Variants in MRPL18 observed in about 807,000 individuals in gnomAD.
MRPL18 encodes large ribosomal subunit protein uL18m.
Under a neutral mutation model 20.9 loss-of-function variants are expected in MRPL18, and 16 were observed. The observed-to-expected ratio is 0.76, with a 90% CI of 0.52 to 1.16. The LOEUF (loss-of-function observed/expected upper bound fraction) is 1.16, where lower values mean the gene tolerates loss of function less well. Among genes scored for constraint, MRPL18 ranks in the 50% most tolerant of loss-of-function variants. MRPL18 has a pLI of 0.00. For missense variants in MRPL18, 233 were observed against 230.6 expected (o/e 1.01, Z -0.07); for synonymous variants, 91 against 87.1 (o/e 1.04, Z -0.25).
chr6:159,794,563 T>A (rs1780985228), intron 2 of MRPL18, among the ~76,000 whole-genome samples: 1 of 152,244 alleles, frequency 6.6e-6, no homozygotes, highest in Non-Finnish European at 1.5e-5. Context: ...TTGCATGGAT[T>A]TTACTTAACT....
At chr6:159,790,745 G>C in intron 1 of MRPL18, 106 bp downstream of exon 1, 1 of 1,507,212 alleles carries the variant, frequency 6.6e-7, no homozygotes, top group Non-Finnish European at 9.1e-7. Context: ...TCGAAATAGA[G>C]CTCGCGGCAC....
chr6:159,794,718 T>C (rs1780988194), intron 2 of MRPL18, among the ~76,000 whole-genome samples: 1 of 152,232 alleles, frequency 6.6e-6, no homozygotes, highest in African/African-American at 2.4e-5. Context: ...GTTTGGATAA[T>C]GCTTTGCCTA....
chr6:159,798,207 C>A lies in MRPL18; in HGVS notation c.*84C>A. ...CAAAAGAGAGCATCTGGAAGAACAGCCAGCTTGGAAGTTTTACAGCAATAA... is the reference window on the plus strand; with the variant it reads ...CAAAAGAGAGCATCTGGAAGAACAGACAGCTTGGAAGTTTTACAGCAATAA... On this transcript the variant is annotated 3_prime_UTR_variant, in exon 4 of 4. Transcript: ENST00000367034. 1.7e-6 allele frequency: 2 copies of A among 1,161,834 alleles called. No homozygotes were observed. The highest frequency in any genetic ancestry group is 1.4e-5 in the South Asian group (1 of 73,076). 72.0% of individuals were successfully genotyped at this position (1,161,834 alleles called of 1,614,324 possible).
intron 2 of MRPL18, among the ~76,000 whole-genome samples, chr6:159,796,417 C>T (rs1230488580): frequency 1.3e-5 from 2 of 150,650 alleles, no homozygotes; most frequent in Non-Finnish European, 2.9e-5. Context: ...GAGGCAGAGG[C>T]TGCTGTGAGC....
rs1198640902 is a variant in MRPL18 at position 159,790,553 on chromosome 6, A to T, written c.-35A>T. 1.2e-6 allele frequency: 2 copies of T among 1,614,058 alleles called. No homozygotes were observed. Among genetic ancestry groups the T allele is most frequent in the Non-Finnish European group, 1.7e-6 (2 of 1,179,996 alleles). On this transcript the variant is annotated 5_prime_UTR_variant, in exon 1 of 4. Coordinates refer to ENST00000367034, the MANE Select transcript of MRPL18 (RefSeq NM_014161.5). ...CGAGCGACTGAGTCGTCCGTGAGGAAAAAGAGGCGAGGCTTTTCCGAGATC... is the reference window on the plus strand; with the variant it reads ...CGAGCGACTGAGTCGTCCGTGAGGATAAAGAGGCGAGGCTTTTCCGAGATC...
intron 2 of MRPL18, among the ~76,000 whole-genome samples, chr6:159,793,744 C>T (rs1047309290): frequency 6.6e-5 from 10 of 152,032 alleles, no homozygotes; most frequent in Admixed American, 3.9e-4. Context: ...CCCGTCTCTA[C>T]TAAAAATACA....
rs546131989 is a variant in MRPL18 at position 159,794,855 on chromosome 6, C to T, written c.240-2432C>T. Among the ~76,000 whole-genome samples the T allele has an allele frequency of 2.7e-4, 41 of 152,242 alleles. No individual in the cohort carries two copies. The South Asian group carries it at 3.9e-3, about 15-fold the overall frequency. ...GAAATAAGGGGACCCAGGGAACCAGCGTTCAGCATATGGAGGATCCCGCCA... is the reference window on the plus strand; with the variant it reads ...GAAATAAGGGGACCCAGGGAACCAGTGTTCAGCATATGGAGGATCCCGCCA... On this transcript the variant is annotated intron_variant, in intron 2 of 3. Coordinates refer to ENST00000367034, the MANE Select transcript of MRPL18 (RefSeq NM_014161.5).
At chr6:159,790,665 C>CA (rs1780854762) in intron 1 of MRPL18, 26 bp downstream of exon 1, 1 of 1,612,752 alleles carries the variant, frequency 6.2e-7, no homozygotes, top group Admixed American at 1.7e-5. Flanking sequence ...CCCCTTCTCC[C>CA]AGCTCACTCG....
At chr6:159,791,197 G>T in intron 2 of MRPL18, 71 bp downstream of exon 2, 2 of 1,557,116 alleles carry the variant, frequency 1.3e-6, no homozygotes, top group South Asian at 2.4e-5. Context: ...TCAACTCCAG[G>T]CACTCTCCCA....
In MRPL18 at chr6:159,791,000, C is replaced by T. The variant is rs1209695191; in HGVS notation, c.113C>T (p.Pro38Leu). The T allele has an allele frequency of 7.4e-6, 12 of 1,614,088 alleles. No individual in the cohort carries two copies. Among genetic ancestry groups the T allele is most frequent in the African/African-American group, 1.3e-5 (1 of 74,930 alleles). Residue 38 changes from proline (P) to leucine (L), a missense_variant, in exon 2 of 4, where the codon CCT becomes CTT. Transcript: ENST00000367034. ...SEPAAKPEVD[P>L]VENEAVAPEF... ...CCGGCAGCGAAACCTGAAGTGGACCCTGTGGAAAATGAAGCTGTCGCCCCA... is the reference window on the plus strand; with the variant it reads ...CCGGCAGCGAAACCTGAAGTGGACCTTGTGGAAAATGAAGCTGTCGCCCCA...
At chr6:159,793,454 C>T (rs1358122197) in intron 2 of MRPL18, among the ~76,000 whole-genome samples, 1 of 152,094 alleles carries the variant, frequency 6.6e-6, no homozygotes, top group Non-Finnish European at 1.5e-5. Context: ...GTTCTTAGAA[C>T]CTAGCTGTAC....
intron 2 of MRPL18, among the ~76,000 whole-genome samples, chr6:159,792,952 C>T (rs559573477): frequency 2.6e-5 from 4 of 152,144 alleles, no homozygotes; most frequent in African/African-American, 9.6e-5. Context: ...TGCAGGCACA[C>T]ACTACCATGG....
intron 2 of MRPL18, among the ~76,000 whole-genome samples, chr6:159,796,883 AT>A (rs1781042559): frequency 6.6e-6 from 1 of 152,160 alleles, no homozygotes; most frequent in Admixed American, 6.6e-5. Context: ...TAGTACTGTT[AT>A]GATTTCAGTT....
At chr6:159,792,228 A>G (rs976636573) in intron 2 of MRPL18, among the ~76,000 whole-genome samples, 5 of 152,180 alleles carry the variant, frequency 3.3e-5, no homozygotes, top group Non-Finnish European at 5.9e-5. Context: ...TTACCACTAT[A>G]CTACAGCATG....
At chr6:159,794,001 A>G (rs553200397) in intron 2 of MRPL18, among the ~76,000 whole-genome samples, 45 of 152,232 alleles carry the variant, frequency 3.0e-4, no homozygotes, top group African/African-American at 1.0e-3. Context: ...TGCCTCTTCT[A>G]TTTCACATTG....
chr6:159,796,128 CTTTTTTT>C (rs371374052), intron 2 of MRPL18, among the ~76,000 whole-genome samples: 35 of 116,344 alleles, frequency 3.0e-4, no homozygotes, highest in Middle Eastern at 9.3e-3. Flanking sequence ...CTTCATTTTA[CTTTTTTT>C]TTTTTTTTTT....
intron 2 of MRPL18, among the ~76,000 whole-genome samples, chr6:159,794,141 T>C (rs951089799): frequency 1.3e-5 from 2 of 152,352 alleles, no homozygotes; most frequent in South Asian, 2.1e-4. Flanking sequence ...CTTCTAAAGA[T>C]TGTCTATGCA....
chr6:159,790,861 C>G (rs1455626880), intron 1 of MRPL18, 79 bp from the exon 2 acceptor site: 2 of 1,541,452 alleles, frequency 1.3e-6, no homozygotes, highest in Non-Finnish European at 1.8e-6. Context: ...GGTGTAAAAG[C>G]GGATAGACGT....
chr6:159,791,163 A>C (rs765088259), intron 2 of MRPL18, 37 bp downstream of exon 2: 50 of 1,608,128 alleles, frequency 3.1e-5, no homozygotes, highest in Non-Finnish European at 4.2e-5. Context: ...AGGGCAGTGC[A>C]CCCTACAGAC....
Sources: allele counts gnomAD v4.1 joint callset (sites outside exome capture counted in the v4.1 genomes callset), GRCh38; gene constraint gnomAD v4.1.1; transcripts MANE v1.5; gene names NCBI Gene and HGNC (gene_info 2026-07-23, HGNC 2026-07-21).